Variants in NAALADL2 observed in about 807,000 individuals in gnomAD.
NAALADL2 encodes the protein N-acetylated alpha-linked acidic dipeptidase like 2.
In NAALADL2, 76 loss-of-function variants were observed where a neutral mutation model predicts 87.2. That is an observed-to-expected ratio of 0.87 (90% CI 0.72 to 1.05). The LOEUF is 1.05. NAALADL2 is among the 50% of genes least tolerant of loss of function. The pLI is 0.00. For missense variants in NAALADL2, 1,089 were observed against 945.8 expected (o/e 1.15, Z -1.99); for synonymous variants, 354 against 331.0 (o/e 1.07, Z -0.75).
intron 1 of NAALADL2, among the ~76,000 whole-genome samples, chr3:175,077,665 T>C (rs888617927): frequency 6.6e-6 from 1 of 152,160 alleles, no homozygotes; most frequent in Non-Finnish European, 1.5e-5. Flanking sequence ...ATATCATAAA[T>C]ATACTATAAA....
At chr3:174,950,860 T>C (rs1740238932) in intron 1 of NAALADL2, among the ~76,000 whole-genome samples, 2 of 152,174 alleles carry the variant, frequency 1.3e-5, no homozygotes, top group South Asian at 4.1e-4. Context: ...TTTAATTTCA[T>C]TTGAATCAAA....
chr3:175,628,617 G>GTATATATATATATATA lies in NAALADL2; in HGVS notation c.1896+1235_1896+1250dup, dbSNP rs34276529. Among the ~76,000 whole-genome samples, 24 of 139,192 alleles carry GTATATATATATATATA rather than the reference G, an allele frequency of 1.7e-4. 1 individual carries two copies. The highest frequency in any genetic ancestry group is 6.9e-4 in the South Asian group (3 of 4,378). The allele number at this position is 139,192 out of a possible 152,430, so 91.3% of individuals were successfully genotyped here. The stretch of plus-strand genomic sequence containing the variant: ...CCATTAAAATAATCTCTCTCTCTAT[G>GTATATATATATATATA]TATATATATATATATATATGAATTA... On this transcript the variant is annotated intron_variant, in intron 11 of 13. Coordinates refer to ENST00000454872, the MANE Select transcript of NAALADL2 (RefSeq NM_207015.3).
At chr3:174,705,121 C>G (rs1729932326) in intron 2 of NAALADL2, among the ~76,000 whole-genome samples, 2 of 152,084 alleles carry the variant, frequency 1.3e-5, no homozygotes, top group South Asian at 4.1e-4. Context: ...GGAACCAGAT[C>G]TGGACAGGAT....
At chr3:174,525,568 C>T (rs1720670170) in intron 1 of NAALADL2, among the ~76,000 whole-genome samples, 1 of 152,104 alleles carries the variant, frequency 6.6e-6, no homozygotes, top group Non-Finnish European at 1.5e-5. Context: ...CAACCAGGTC[C>T]CACCTCCAAC....
intron 2 of NAALADL2, among the ~76,000 whole-genome samples, chr3:174,551,860 A>G (rs1712165887): frequency 6.6e-6 from 1 of 152,206 alleles, no homozygotes; most frequent in African/African-American, 2.4e-5. Flanking sequence ...CCTGAAATCT[A>G]TTTTGAAAGG....
chr3:175,282,677 G>T (rs1754459325), intron 4 of NAALADL2, among the ~76,000 whole-genome samples: 1 of 152,020 alleles, frequency 6.6e-6, no homozygotes, highest in Non-Finnish European at 1.5e-5. Context: ...GAAAGTTTGA[G>T]TAATATTTAT....
At chr3:174,492,791 T>C (rs1348988660) in intron 1 of NAALADL2, among the ~76,000 whole-genome samples, 1 of 152,228 alleles carries the variant, frequency 6.6e-6, no homozygotes, top group Non-Finnish European at 1.5e-5. Flanking sequence ...GAGATTTTGA[T>C]CTTATGAAAT....
At chr3:175,522,041 A>T (rs1401574909) in intron 9 of NAALADL2, among the ~76,000 whole-genome samples, 1 of 152,028 alleles carries the variant, frequency 6.6e-6, no homozygotes, top group Admixed American at 6.6e-5. Flanking sequence ...TTCCCATATT[A>T]TTTTCCTTTA....
chr3:174,839,382 A>G (rs1723746318), intron 3 of NAALADL2, among the ~76,000 whole-genome samples: 1 of 152,216 alleles, frequency 6.6e-6, no homozygotes, highest in African/African-American at 2.4e-5. Flanking sequence ...ACTTGAAACT[A>G]TAAACACTCT....
chr3:174,609,964 A>T (rs1160263126), intron 2 of NAALADL2, among the ~76,000 whole-genome samples: 2 of 152,140 alleles, frequency 1.3e-5, no homozygotes, highest in African/African-American at 4.8e-5. Context: ...ACCAAAAGAG[A>T]GATATAGATC....
chr3:175,719,044 A>G (rs62284555), intron 11 of NAALADL2, among the ~76,000 whole-genome samples: 1 of 152,014 alleles, frequency 6.6e-6, no homozygotes, highest in Non-Finnish European at 1.5e-5. Flanking sequence ...CGATTGGGCC[A>G]GGGGCCAGGA....
intron 1 of NAALADL2, chr3:174,863,998 A>C: frequency 2.2e-6 from 1 of 451,802 alleles, no homozygotes; most frequent in South Asian, 1.6e-5. Flanking sequence ...AAATTTCCAG[A>C]ATCTTTGCTG....
chr3:174,760,168 G>A (rs1712727161), intron 3 of NAALADL2, among the ~76,000 whole-genome samples: 1 of 152,166 alleles, frequency 6.6e-6, no homozygotes, highest in African/African-American at 2.4e-5. Context: ...CAAAAAAACA[G>A]TGGAAGAGCC....
chr3:175,701,656 C>G (rs1300042154), intron 11 of NAALADL2, among the ~76,000 whole-genome samples: 2 of 152,040 alleles, frequency 1.3e-5, no homozygotes, highest in Admixed American at 6.6e-5. Context: ...AAGCTGACAC[C>G]AGTGCAGCTC....
intron 5 of NAALADL2, among the ~76,000 whole-genome samples, chr3:175,368,852 T>A (rs977400947): frequency 3.3e-5 from 5 of 152,048 alleles, no homozygotes; most frequent in Admixed American, 3.3e-4. Context: ...TATTTGTATA[T>A]CTAAACATAT....
At chr3:175,334,122 A>C (rs1401336688) in intron 5 of NAALADL2, among the ~76,000 whole-genome samples, 1 of 152,194 alleles carries the variant, frequency 6.6e-6, no homozygotes, top group Admixed American at 6.5e-5. Flanking sequence ...CCATTTCTCC[A>C]AAAATCTCTA....
intron 5 of NAALADL2, among the ~76,000 whole-genome samples, chr3:175,388,447 A>G (rs929574539): frequency 2.0e-5 from 3 of 152,148 alleles, no homozygotes; most frequent in Admixed American, 6.6e-5. Flanking sequence ...TCTCAATGCC[A>G]TAAAATACAA....
intron 12 of NAALADL2, among the ~76,000 whole-genome samples, chr3:175,742,657 A>G (rs1007101921): frequency 6.6e-6 from 1 of 152,174 alleles, no homozygotes; most frequent in African/African-American, 2.4e-5. Flanking sequence ...TTGGCCTCCC[A>G]AAGTACTGGG....
intron 10 of NAALADL2, among the ~76,000 whole-genome samples, chr3:175,623,390 T>G (rs1483236303): frequency 6.7e-6 from 1 of 149,904 alleles, no homozygotes. Context: ...GGAATTAAAA[T>G]CTTGAGGTCT....
Sources: gnomAD v4.1 joint callset for allele counts (sites outside exome capture counted in the v4.1 genomes callset) on GRCh38, gnomAD v4.1.1 for gene constraint, MANE v1.5 for transcripts, NCBI Gene and HGNC (gene_info 2026-07-23, HGNC 2026-07-21) for gene names.